The following EDA variants were observed in gnomAD, a reference collection of about 807,000 sequenced individuals.
EDA encodes the protein ectodysplasin-A.
Under a neutral mutation model 23.6 loss-of-function variants are expected in EDA, and 2 were observed. The ratio of observed to expected loss-of-function variants is 0.08; its 90% CI spans 0.03 to 0.27. The LOEUF (loss-of-function observed/expected upper bound fraction) is 0.27. Among genes scored for constraint, EDA ranks in the 10% least tolerant of loss-of-function variants. The probability of loss-of-function intolerance (pLI) is 1.00; values close to 1 mark genes in which losing one functional copy is unlikely to be tolerated. For missense variants in EDA, 229 were observed against 324.2 expected (o/e 0.71, Z 2.26); for synonymous variants, 131 against 132.0 (o/e 0.99, Z 0.05).
Position 69,936,104 on chromosome X carries a change from C to A in EDA, c.397-20923C>A, listed in dbSNP as rs747299881. 1.6e-3 allele frequency among the ~76,000 whole-genome samples: 177 copies of A among 108,254 alleles called. 1 individual carries two copies. The highest frequency in any genetic ancestry group is 5.7e-3 in the African/African-American group (172 of 29,915). The allele number at this position is 108,254 out of a possible 115,157, so 94.0% of individuals were successfully genotyped here. ...TACCTTTGTAGCAACTAGGAAAGCACAATTTTTGACTTCTAATTTAATTTG... is the reference window on the plus strand; with the variant it reads ...TACCTTTGTAGCAACTAGGAAAGCAAAATTTTTGACTTCTAATTTAATTTG... On this transcript the variant is annotated intron_variant, in intron 1 of 7. Coordinates refer to ENST00000374552, the MANE Select transcript of EDA (RefSeq NM_001399.5).
chrX:69,736,367 C>T (rs936550543), intron 1 of EDA, among the ~76,000 whole-genome samples: 1 of 110,854 alleles, frequency 9.0e-6, no homozygotes, highest in Non-Finnish European at 1.9e-5. Flanking sequence ...GAGACAGAGT[C>T]TTATTCTGTC....
chrX:69,836,478 G>A (rs189242320), intron 1 of EDA, among the ~76,000 whole-genome samples: 106 of 112,583 alleles, frequency 9.4e-4, no homozygotes, highest in African/African-American at 3.4e-3. Context: ...CCACCTCACA[G>A]TTGGATCTCA....
chrX:69,730,183 G>A (rs1320522398), intron 1 of EDA, among the ~76,000 whole-genome samples: 1 of 111,273 alleles, frequency 9.0e-6, no homozygotes, highest in Non-Finnish European at 1.9e-5. Flanking sequence ...TTTATTGTAT[G>A]TTCTTCCTTT....
chrX:69,961,025 G>A (rs72628843), intron 2 of EDA, among the ~76,000 whole-genome samples: 2,087 of 84,012 alleles, frequency 0.025, 54 homozygotes, highest in African/African-American at 0.086. Context: ...TCCAAAAAAA[G>A]AAAAAAAAAG....
chrX:70,020,284 G>C (rs1374402432), intron 2 of EDA, among the ~76,000 whole-genome samples: 1 of 111,916 alleles, frequency 8.9e-6, no homozygotes, highest in Non-Finnish European at 1.9e-5. Context: ...GGGGCCGGGT[G>C]CAGTGGCTCA....
At chrX:69,801,964 G>A (rs1041152451) in intron 1 of EDA, among the ~76,000 whole-genome samples, 2 of 111,552 alleles carry the variant, frequency 1.8e-5, no homozygotes, top group Admixed American at 1.9e-4. Context: ...AGTTGAAGAT[G>A]TATGTAACTG....
chrX:69,820,131 C>G (rs1368814540), intron 1 of EDA, among the ~76,000 whole-genome samples: 1 of 111,402 alleles, frequency 9.0e-6, no homozygotes, highest in Non-Finnish European at 1.9e-5. Flanking sequence ...TTGACAAAAA[C>G]TAGCAATGGG....
At chrX:69,721,214 G>A (rs2012566066) in intron 1 of EDA, among the ~76,000 whole-genome samples, 1 of 111,672 alleles carries the variant, frequency 9.0e-6, no homozygotes, top group Non-Finnish European at 1.9e-5. Flanking sequence ...AAGAAGGAAG[G>A]GCATGGTGGG....
At chrX:69,738,460 T>G (rs2013342755) in intron 1 of EDA, among the ~76,000 whole-genome samples, 1 of 109,016 alleles carries the variant, frequency 9.2e-6, no homozygotes. Flanking sequence ...AACTTCTGGT[T>G]TTATTGATTT....
intron 1 of EDA, among the ~76,000 whole-genome samples, chrX:69,696,910 C>T (rs1030959829): frequency 8.9e-6 from 1 of 112,205 alleles, no homozygotes; most frequent in African/African-American, 3.2e-5. Flanking sequence ...TTAGAAATGA[C>T]CTAGACATTT....
chrX:70,014,973 C>T (rs773251103), intron 2 of EDA, among the ~76,000 whole-genome samples: 1 of 111,908 alleles, frequency 8.9e-6, no homozygotes, highest in African/African-American at 3.2e-5. Flanking sequence ...GGAGGGAATA[C>T]GAGCAACTTG....
At chrX:69,831,066 T>TTTA (rs910156322) in intron 1 of EDA, among the ~76,000 whole-genome samples, 4 of 111,567 alleles carry the variant, frequency 3.6e-5, no homozygotes, top group African/African-American at 9.8e-5. Context: ...GAGAAATCCT[T>TTTA]TTATTATTAT....
At chrX:69,817,528 T>C (rs1385521177) in intron 1 of EDA, among the ~76,000 whole-genome samples, 3 of 112,048 alleles carry the variant, frequency 2.7e-5, no homozygotes, top group Non-Finnish European at 5.6e-5. Context: ...GAAGAAAATT[T>C]ACCAAGCAAA....
chrX:69,995,601 G>A (rs957123087), intron 2 of EDA, among the ~76,000 whole-genome samples: 3 of 112,101 alleles, frequency 2.7e-5, no homozygotes, highest in African/African-American at 9.7e-5. Flanking sequence ...ATCTTCAGAA[G>A]CAGATGTCTC....
intron 2 of EDA, among the ~76,000 whole-genome samples, chrX:69,964,723 C>T (rs1392611773): frequency 7.2e-5 from 8 of 111,349 alleles, no homozygotes; most frequent in Non-Finnish European, 1.5e-4. Context: ...TGCTAGCTCA[C>T]TTCTGTATGG....
intron 1 of EDA, among the ~76,000 whole-genome samples, chrX:69,774,321 A>G (rs2014717512): frequency 9.0e-6 from 1 of 111,663 alleles, no homozygotes; most frequent in South Asian, 3.7e-4. Context: ...TCTCCTCTCC[A>G]GTACTCCGTC....
intron 1 of EDA, among the ~76,000 whole-genome samples, chrX:69,728,936 T>A (rs780814679): frequency 9.9e-5 from 11 of 111,564 alleles, no homozygotes; most frequent in Non-Finnish European, 2.1e-4. Flanking sequence ...GAGGTAGGGA[T>A]AAGGGTTTAA....
intron 1 of EDA, among the ~76,000 whole-genome samples, chrX:69,844,821 C>A (rs952710071): frequency 2.7e-5 from 3 of 112,298 alleles, no homozygotes; most frequent in Admixed American, 1.9e-4. Flanking sequence ...CCAATGAGTT[C>A]TTTCCCACCA....
At chrX:69,695,443 T>C (rs1317026683) in intron 1 of EDA, among the ~76,000 whole-genome samples, 2 of 110,321 alleles carry the variant, frequency 1.8e-5, no homozygotes, top group African/African-American at 3.3e-5. Context: ...AAAAGGCAAA[T>C]ATAGAAACAT....
Sources: gnomAD v4.1 joint callset for allele counts (sites outside exome capture counted in the v4.1 genomes callset) on GRCh38, gnomAD v4.1.1 for gene constraint, MANE v1.5 for transcripts, NCBI Gene and HGNC (gene_info 2026-07-23, HGNC 2026-07-21) for gene names.